Variants in PIP4K2A observed in about 807,000 individuals in gnomAD.
The protein encoded by PIP4K2A is phosphatidylinositol-5-phosphate 4-kinase type 2 alpha, also known as phosphatidylinositol 5-phosphate 4-kinase type-2 alpha.
A neutral mutation model predicts 42.9 loss-of-function variants in PIP4K2A; 14 were observed. The observed-to-expected ratio is 0.33, with a 90% CI of 0.22 to 0.51. The LOEUF (loss-of-function observed/expected upper bound fraction) is 0.51, where lower values mean the gene tolerates loss of function less well. Among genes scored for constraint, PIP4K2A ranks in the 20% least tolerant of loss-of-function variants. The probability of loss-of-function intolerance (pLI) is 0.97; values close to 1 mark genes in which losing one functional copy is unlikely to be tolerated. For synonymous variants in PIP4K2A, 192 were observed against 192.2 expected, an observed-to-expected ratio of 1.00 and a Z score of 0.01; for missense variants, 434 against 519.8, an observed-to-expected ratio of 0.83 and a Z score of 1.61.
intron 1 of PIP4K2A, among the ~76,000 whole-genome samples, chr10:22,617,360 A>G (rs1418768005): frequency 6.6e-6 from 1 of 152,280 alleles, no homozygotes; most frequent in Admixed American, 6.5e-5. Context: ...GTGTCCCCAC[A>G]AAGCCATCTC....
At chr10:22,638,546 AT>A (rs1471954585) in intron 1 of PIP4K2A, among the ~76,000 whole-genome samples, 1 of 152,120 alleles carries the variant, frequency 6.6e-6, no homozygotes, top group Non-Finnish European at 1.5e-5. Context: ...AGAACTACTC[AT>A]TTTTACTCTT....
intron 1 of PIP4K2A, among the ~76,000 whole-genome samples, chr10:22,642,520 TAGG>T (rs1838800509): frequency 6.6e-6 from 1 of 151,524 alleles, no homozygotes; most frequent in African/African-American, 2.4e-5. Flanking sequence ...ATTCTTAAAT[TAGG>T]AGTATCTATA....
intron 1 of PIP4K2A, among the ~76,000 whole-genome samples, chr10:22,664,195 A>C (rs1253243675): frequency 1.6e-5 from 1 of 63,418 alleles, no homozygotes; most frequent in Admixed American, 2.0e-4. Flanking sequence ...ATATATACAT[A>C]TATATATACA....
At chr10:22,624,586 G>C (rs946936864) in intron 1 of PIP4K2A, among the ~76,000 whole-genome samples, 6 of 152,192 alleles carry the variant, frequency 3.9e-5, no homozygotes, top group African/African-American at 1.4e-4. Context: ...GAATTTAGGA[G>C]ATGAGTCATG....
At chr10:22,598,828 C>A (rs924762281) in intron 3 of PIP4K2A, among the ~76,000 whole-genome samples, 2 of 152,082 alleles carry the variant, frequency 1.3e-5, no homozygotes, top group East Asian at 1.9e-4. Flanking sequence ...AGGGAATGGA[C>A]GATGATTTAC....
At chr10:22,692,858 T>C (rs369448354) in intron 1 of PIP4K2A, among the ~76,000 whole-genome samples, 2 of 152,300 alleles carry the variant, frequency 1.3e-5, no homozygotes, top group Admixed American at 6.5e-5. Flanking sequence ...AGGCACTCAA[T>C]AGTGATCTCA....
At chr10:22,607,378 A>G (rs1837927961) in intron 3 of PIP4K2A, among the ~76,000 whole-genome samples, 2 of 152,218 alleles carry the variant, frequency 1.3e-5, no homozygotes, top group African/African-American at 4.8e-5. Flanking sequence ...GTACCACAGG[A>G]CACGCCCAGG....
chr10:22,555,771 A>AC (rs1235737246), intron 6 of PIP4K2A, among the ~76,000 whole-genome samples: 1 of 151,602 alleles, frequency 6.6e-6, no homozygotes, highest in African/African-American at 2.4e-5. Flanking sequence ...AAAAAAAAAA[A>AC]CAATTTATGA....
At chr10:22,612,806 T>A (rs949592319) in intron 1 of PIP4K2A, among the ~76,000 whole-genome samples, 2 of 152,174 alleles carry the variant, frequency 1.3e-5, no homozygotes, top group African/African-American at 4.8e-5. Flanking sequence ...CATGCGCTCT[T>A]GGGACATCTA....
chr10:22,612,202 T>C (rs1838060081), intron 1 of PIP4K2A, among the ~76,000 whole-genome samples: 1 of 152,244 alleles, frequency 6.6e-6, no homozygotes, highest in Non-Finnish European at 1.5e-5. Flanking sequence ...TGGGCACAGC[T>C]CGGACACCAG....
chr10:22,627,591 TAAAAAAAAAAAAAAAA>T (rs57671642), intron 1 of PIP4K2A, among the ~76,000 whole-genome samples: 4,806 of 57,054 alleles, frequency 0.084, 61 homozygotes, highest in Admixed American at 0.1. Flanking sequence ...TAATATGTAA[TAAAAAAAAAAAAAAAA>T]AAAAAAAAAA....
At chr10:22,648,151 C>A (rs1176960758) in intron 1 of PIP4K2A, among the ~76,000 whole-genome samples, 1 of 152,144 alleles carries the variant, frequency 6.6e-6, no homozygotes, top group Non-Finnish European at 1.5e-5. Flanking sequence ...AAAATTCACT[C>A]TGTTTAAATA....
chr10:22,552,137 A>G (rs1273131456), intron 6 of PIP4K2A, among the ~76,000 whole-genome samples: 2 of 152,236 alleles, frequency 1.3e-5, no homozygotes, highest in Non-Finnish European at 1.5e-5. Flanking sequence ...TCAAGATTCA[A>G]TTCAATCAGC....
At chr10:22,611,488 CGCTGTA>C (rs1277553133) in intron 1 of PIP4K2A, among the ~76,000 whole-genome samples, 1 of 150,474 alleles carries the variant, frequency 6.6e-6, no homozygotes, top group Non-Finnish European at 1.5e-5. Context: ...TACCTAGATA[CGCTGTA>C]GTTAAACTAA....
At chr10:22,573,498 A>C in intron 4 of PIP4K2A, 41 bp from the exon 5 acceptor site, 1 of 1,565,290 alleles carries the variant, frequency 6.4e-7, no homozygotes, top group Non-Finnish European at 8.7e-7. Flanking sequence ...ACATCCAATC[A>C]AAAGATTGCT....
chr10:22,616,131 G>A (rs774893043), intron 1 of PIP4K2A, among the ~76,000 whole-genome samples: 2 of 152,136 alleles, frequency 1.3e-5, no homozygotes, highest in Non-Finnish European at 2.9e-5. Flanking sequence ...GGGCGGAGAG[G>A]GCTAGTGCAG....
rs1414072572 is a variant in PIP4K2A at position 22,555,926 on chromosome 10, CTCA to C, written c.679-5157_679-5155del. 9.3e-4 allele frequency among the ~76,000 whole-genome samples: 140 copies of C among 151,252 alleles called. 1 individual carries two copies. Among genetic ancestry groups the C allele is most frequent in the African/African-American group, 3.3e-3 (136 of 41,174 alleles). On this transcript the variant is annotated intron_variant, in intron 6 of 9. Transcript: ENST00000376573. ...AAAAAAAAAAAAATCACAAGAAAATCTCATCATGTTTTAAGAAAGTTTACGGAT... is the reference window on the plus strand; with the variant it reads ...AAAAAAAAAAAAATCACAAGAAAATCTCATGTTTTAAGAAAGTTTACGGAT...
chr10:22,550,559 C>A, intron 7 of PIP4K2A, 100 bp downstream of exon 7: 1 of 756,006 alleles, frequency 1.3e-6, no homozygotes, highest in South Asian at 1.5e-5. Context: ...CAGGTTTTTG[C>A]CTTGATTGAA....
chr10:22,676,298 G>A lies in PIP4K2A; in HGVS notation c.144+37885C>T, dbSNP rs116557506. Among the ~76,000 whole-genome samples the A allele has an allele frequency of 1.7e-3, 263 of 152,156 alleles. 3 individuals carry two copies. The highest frequency in any genetic ancestry group is 6.1e-3 in the African/African-American group (255 of 41,516). On this transcript the variant is annotated intron_variant, in intron 1 of 9. Transcript: ENST00000376573. ...AAAGTCATCAAGATGTATTCCCTTC[G>A]TATGGAAACCAGTACCTACAGAAGT...
Sources: gnomAD v4.1 joint callset for allele counts (sites outside exome capture counted in the v4.1 genomes callset) on GRCh38, gnomAD v4.1.1 for gene constraint, MANE v1.5 for transcripts, NCBI Gene and HGNC (gene_info 2026-07-23, HGNC 2026-07-21) for gene names.